TMEM234: variants seen among roughly 807,000 people sequenced by gnomAD.
TMEM234 encodes the protein chromosome 1 open reading frame 91.
Under a neutral mutation model 17.8 loss-of-function variants are expected in TMEM234, and 21 were observed. The observed-to-expected ratio is 1.18, with a 90% confidence interval of 0.84 to 1.70. TMEM234 has a LOEUF of 1.70. Ranked by LOEUF, TMEM234 falls within the 40% of genes most tolerant of loss-of-function variation. The pLI is 0.00. For missense variants in TMEM234, 137 were observed against 166.9 expected, an observed-to-expected ratio of 0.82 and a Z score of 0.99; for synonymous variants, 83 against 73.5, an observed-to-expected ratio of 1.13 and a Z score of -0.66.
At chr1:32,215,239 C>T (rs1276471573), downstream of TMEM234, 4 of 596,188 alleles carry the variant, frequency 6.7e-6, no homozygotes, top group African/African-American at 3.7e-5. Context: ...GTGCTTAAAG[C>T]GATAAGACTT....
intron 3 of TMEM234, 24 bp from the exon 4 acceptor site, chr1:32,217,375 T>A: frequency 6.3e-7 from 1 of 1,595,744 alleles, no homozygotes. Context: ...ATGAAAAGAA[T>A]GCCTGAGATG....
At chr1:32,214,843 C>T (rs767654309), downstream of TMEM234, 2 of 1,613,944 alleles carry the variant, frequency 1.2e-6, no homozygotes, top group Non-Finnish European at 1.7e-6. Flanking sequence ...CCAAAGGAAC[C>T]AGACCGAATT....
intron 1 of TMEM234, 130 bp from the exon 2 acceptor site, chr1:32,222,148 T>C (rs1638982440): frequency 2.0e-6 from 3 of 1,505,056 alleles, no homozygotes; most frequent in East Asian, 4.6e-5. Flanking sequence ...CGGCTGCGAC[T>C]GGCGGCTAAG....
chr1:32,218,392 C>T (rs1397179443), intron 3 of TMEM234, among the ~76,000 whole-genome samples: 1 of 152,094 alleles, frequency 6.6e-6, no homozygotes, highest in South Asian at 2.1e-4. Flanking sequence ...CACCACTGTA[C>T]TCCAGCCTGA....
intron 3 of TMEM234, among the ~76,000 whole-genome samples, chr1:32,219,257 C>T (rs531677188): frequency 2.2e-4 from 33 of 152,332 alleles, no homozygotes; most frequent in African/African-American, 7.7e-4. Context: ...TCCCAGGGCT[C>T]GCCTGTGTGA....
rs1638498091 is a variant in TMEM234 at position 32,217,417 on chromosome 1, CCAT to C, written c.236-69_236-67del. 10 of 1,588,106 alleles carry C rather than the reference CCAT, an allele frequency of 6.3e-6. No individual in the cohort carries two copies. In the Admixed American group the frequency reaches 8.7e-5, roughly 14 times the overall value. On this transcript the variant is annotated intron_variant, in intron 3 of 4. Coordinates refer to ENST00000309777, the MANE Select transcript of TMEM234 (RefSeq NM_019118.5). ...ATGCCTTTCTAGGCACAAAACACTT[CCAT>C]CATCATCATTTCATACCTTTAAAAA...
rs1199437373 is a variant in TMEM234, at chr1:32,221,185, AG to A, written c.180del (p.Leu62SerfsTer19). ...AGGGATCCACACTGGTTGAGGAGAA[AG>A]GGCATCAGGTACTGGAAAGAGGAGA... Reference protein sequence around the residue: ...TLFLNTEYLMPFLLNQCGSLL... With the variant: ...TLFLNTEYLMXFLLNQCGSLL... On this transcript the variant is annotated frameshift_variant, in exon 3 of 5. Coordinates refer to ENST00000309777, the MANE Select transcript of TMEM234 (RefSeq NM_019118.5). LOFTEE classifies it high-confidence loss of function. The A allele has an allele frequency of 1.2e-6, 2 of 1,613,588 alleles. No homozygotes were observed. Among genetic ancestry groups the A allele is most frequent in the Non-Finnish European group, 1.7e-6 (2 of 1,179,804 alleles).
At chr1:32,217,412 C>T in intron 3 of TMEM234, 61 bp from the exon 4 acceptor site, 13 of 1,588,788 alleles carry the variant, frequency 8.2e-6, no homozygotes, top group Non-Finnish European at 1.1e-5. Context: ...AGGCACAAAA[C>T]ACTTCCATCA....
chr1:32,217,296 A>C lies in TMEM234; in HGVS notation c.291T>G (p.Ile97Met), dbSNP rs761756810. Residue 97 changes from isoleucine to methionine, a missense_variant, in exon 4 of 5, where the codon ATT becomes ATG. By Grantham distance (10) the Ile-to-Met change is conservative. Transcript: ENST00000309777. ...TATCTTCTCCAAGGGCCTTCCCAAC[A>C]ATCAGTGTGAAGATGATAGCCAGAG... ...CNSLAIIFTL[I>M]VGKALGEDIG... 8.7e-6 allele frequency: 14 copies of C among 1,614,134 alleles called. No individual in the cohort carries two copies. Among genetic ancestry groups the C allele is most frequent in the Non-Finnish European group, 1.2e-5 (14 of 1,180,000 alleles).
At chr1:32,214,909 T>C (rs765084113), downstream of TMEM234, 1 of 1,613,900 alleles carries the variant, frequency 6.2e-7, no homozygotes, top group South Asian at 1.1e-5. Context: ...AGAAGCAAGC[T>C]CCCCACACTC....
At chr1:32,218,716 T>A (rs1213924944) in intron 3 of TMEM234, among the ~76,000 whole-genome samples, 1 of 152,022 alleles carries the variant, frequency 6.6e-6, no homozygotes, top group Non-Finnish European at 1.5e-5. Flanking sequence ...GGCGGGTGGA[T>A]CATTTGAGGT....
In TMEM234 at chr1:32,217,231, G is replaced by GTCCCGCACTCGCAGTAGTCTAACT. The variant is rs747992216; in HGVS notation, c.328+4_328+27dup. Reference sequence around the variant, plus strand: ...GGTATGTCGAGATCCACAGAGCTGCGTCCCGCACTCGCAGTAGTCTAACTT... The same window carrying GTCCCGCACTCGCAGTAGTCTAACT: ...GGTATGTCGAGATCCACAGAGCTGCGTCCCGCACTCGCAGTAGTCTAACTTCCCGCACTCGCAGTAGTCTAACTT... On this transcript the variant is annotated intron_variant, in intron 4 of 4. Coordinates refer to ENST00000309777, the MANE Select transcript of TMEM234 (RefSeq NM_019118.5). The GTCCCGCACTCGCAGTAGTCTAACT allele has an allele frequency of 9.3e-6, 15 of 1,614,092 alleles. No individual in the cohort carries two copies. In the South Asian group the frequency reaches 1.5e-4, roughly 17 times the overall value.
chr1:32,218,619 A>G (rs920644370), intron 3 of TMEM234, among the ~76,000 whole-genome samples: 1 of 151,968 alleles, frequency 6.6e-6, no homozygotes, highest in Non-Finnish European at 1.5e-5. Context: ...CGTGACCAAC[A>G]TGGAGAAACC....
At chr1:32,215,070 TA>T, downstream of TMEM234, 1 of 1,178,450 alleles carries the variant, frequency 8.5e-7, no homozygotes, top group African/African-American at 1.6e-5. Context: ...AAAAAAAAGA[TA>T]AAGGAGTCTG....
At chr1:32,218,675 C>T (rs1422516438) in intron 3 of TMEM234, among the ~76,000 whole-genome samples, 4 of 151,996 alleles carry the variant, frequency 2.6e-5, no homozygotes, top group African/African-American at 4.8e-5. Flanking sequence ...TGGTGGCTCA[C>T]GCCTGTAATC....
Position 32,222,291 on chromosome 1 carries a change from G to C in TMEM234, c.16+16C>G. 18 of 1,545,336 alleles carry C rather than the reference G, an allele frequency of 1.2e-5. No individual in the cohort carries two copies. Among genetic ancestry groups the C allele is most frequent in the Non-Finnish European group, 1.6e-5 (18 of 1,146,756 alleles). On this transcript the variant is annotated intron_variant, in intron 1 of 4. Coordinates refer to ENST00000309777, the MANE Select transcript of TMEM234 (RefSeq NM_019118.5). ...AGGGTCGGGAAATCCATGGAAGGGC[G>C]GGGCCGGCTACCTACCCAGAGACGC...
chr1:32,222,135 C>T (rs1212514542), intron 1 of TMEM234, 117 bp from the exon 2 acceptor site: 11 of 1,506,826 alleles, frequency 7.3e-6, no homozygotes, highest in Non-Finnish European at 8.9e-6. Context: ...GCTCTCTTCG[C>T]CTCGGCTGCG....
rs957593118 is a variant in TMEM234, at chr1:32,216,409, T to G, written c.*444A>C. The G allele has an allele frequency of 6.4e-7, 1 of 1,551,502 alleles. No homozygotes were observed. The highest frequency in any genetic ancestry group is 1.4e-5 in the African/African-American group (1 of 73,040). ...CTTCTTCCCTCGGTTCCACCCCTCA[T>G]TCAGCCAAAGCGCTCTGACTGAGTC... is the stretch of plus-strand genomic sequence containing the variant. On this transcript the variant is annotated 3_prime_UTR_variant, in exon 5 of 5. Coordinates refer to ENST00000309777, the MANE Select transcript of TMEM234 (RefSeq NM_019118.5).
At chr1:32,217,207 G>A (rs745430767) in intron 4 of TMEM234, 52 bp downstream of exon 4, 110 of 1,614,040 alleles carry the variant, frequency 6.8e-5, no homozygotes, top group South Asian at 1.4e-4. Context: ...ACTAACACAG[G>A]TATGTCGAGA....
Sources: gnomAD v4.1 joint callset for allele counts (sites outside exome capture counted in the v4.1 genomes callset) on GRCh38, gnomAD v4.1.1 for gene constraint, MANE v1.5 for transcripts, NCBI Gene and HGNC (gene_info 2026-07-23, HGNC 2026-07-21) for gene names.